NCOR2: variants seen among roughly 807,000 people sequenced by gnomAD.
The protein encoded by NCOR2 is nuclear receptor corepressor 2, also known as CTG repeat protein 26.
Under a neutral mutation model 262.9 loss-of-function variants are expected in NCOR2, and 81 were observed. That is an observed-to-expected ratio of 0.31 (90% CI 0.26 to 0.37). NCOR2 has a LOEUF of 0.37. NCOR2 is among the 10% of genes least tolerant of loss of function. The pLI is 1.00. For missense variants in NCOR2, 3,385 were observed against 3,621.4 expected, an observed-to-expected ratio of 0.93 and a Z score of 1.68; for synonymous variants, 1,659 against 1,559.3, an observed-to-expected ratio of 1.06 and a Z score of -1.51.
intron 7 of NCOR2, among the ~76,000 whole-genome samples, chr12:124,444,736 G>A (rs1013455287): frequency 3.9e-5 from 6 of 152,028 alleles, no homozygotes; most frequent in African/African-American, 7.3e-5. Flanking sequence ...AAGAGACTGC[G>A]GGTTGGGGTG....
At chr12:124,334,179 CTG>C (rs1240555816) in intron 41 of NCOR2, among the ~76,000 whole-genome samples, 1 of 152,212 alleles carries the variant, frequency 6.6e-6, no homozygotes, top group African/African-American at 2.4e-5. Context: ...TCCTGGGGGG[CTG>C]TGTGTAAAGG....
At chr12:124,522,491 C>G (rs998125611) in intron 1 of NCOR2, among the ~76,000 whole-genome samples, 6 of 152,196 alleles carry the variant, frequency 3.9e-5, no homozygotes, top group Non-Finnish European at 8.8e-5. Flanking sequence ...ACGTGGACTT[C>G]TCTGCTGTGT....
In NCOR2 at chr12:124,457,267, G is replaced by C. The variant is rs2045926817; in HGVS notation, c.706-105C>G. 1.6e-6 allele frequency: 2 copies of C among 1,262,276 alleles called. No homozygotes were observed. Among genetic ancestry groups the C allele is most frequent in the Non-Finnish European group, 2.1e-6 (2 of 939,864 alleles). 78.2% of individuals were successfully genotyped at this position (1,262,276 alleles called of 1,614,324 possible). On this transcript the variant is annotated intron_variant, in intron 5 of 46. Transcript: ENST00000405201. The surrounding 1 kb of genome is among the most constrained non-coding windows in gnomAD (Gnocchi z 4.0). ...GCGGGCACCTGCCCAGCCCAGTCCAGCATGCTGATCCTCAGCACGGGGGAG... is the reference window on the plus strand; with the variant it reads ...GCGGGCACCTGCCCAGCCCAGTCCACCATGCTGATCCTCAGCACGGGGGAG...
At chr12:124,495,795 G>A (rs770208102), upstream of NCOR2, among the ~76,000 whole-genome samples, 8 of 152,094 alleles carry the variant, frequency 5.3e-5, no homozygotes, top group South Asian at 2.1e-4. The surrounding 1 kb of genome is among the most constrained non-coding windows in gnomAD (Gnocchi z 4.4). Flanking sequence ...ATCACACACC[G>A]CTGTCCCGGG....
intron 4 of NCOR2, among the ~76,000 whole-genome samples, chr12:124,472,727 T>A (rs2046892978): frequency 6.6e-6 from 1 of 152,214 alleles, no homozygotes; most frequent in Non-Finnish European, 1.5e-5. Context: ...TAGGCACATT[T>A]CAAATGCTCA....
At chr12:124,332,252 G>A in intron 43 of NCOR2, 67 bp downstream of exon 45, 1 of 1,590,694 alleles carries the variant, frequency 6.3e-7, no homozygotes, top group Non-Finnish European at 8.6e-7. Flanking sequence ...GGCGGCTCCA[G>A]CTGCCCAGGC....
At chr12:124,434,670 G>A (rs149894608) in intron 8 of NCOR2, among the ~76,000 whole-genome samples, 177 of 152,314 alleles carry the variant, frequency 1.2e-3, no homozygotes, top group African/African-American at 4.0e-3. Context: ...GAACCATGGG[G>A]GGCTGTCAAG....
intron 13 of NCOR2, among the ~76,000 whole-genome samples, chr12:124,406,656 T>C (rs1256363232): frequency 6.6e-6 from 1 of 152,180 alleles, no homozygotes; most frequent in African/African-American, 2.4e-5. Context: ...GACAGTGGGT[T>C]TGTGCCCTGT....
chr12:124,333,210 C>T lies in NCOR2; in HGVS notation c.6675G>A (p.Pro2225=), dbSNP rs75362677. 1,746 of 1,613,186 alleles carry T rather than the reference C, an allele frequency of 1.1e-3. 40 individuals carry two copies. In the East Asian group the frequency reaches 0.034, roughly 32 times the overall value. ...AGTGCCCTGGCTCCGTCATGCCCTC[C>T]GGTGGGGACACAGGTTCAATACCGT... The change falls in exon 42 of 47, where the codon CCG becomes CCA. Residue 2225 remains proline (P), a synonymous_variant. Coordinates refer to ENST00000405201, the Ensembl canonical transcript of NCOR2.
intron 1 of NCOR2, chr12:124,513,826 T>C (rs2049557485): frequency 2.0e-5 from 3 of 152,238 alleles, no homozygotes; most frequent in Middle Eastern, 3.4e-3. Flanking sequence ...GAGGGGTAGC[T>C]CTCTTGGGAT....
intron 20 of NCOR2, among the ~76,000 whole-genome samples, chr12:124,365,460 G>A (rs1593231454): frequency 6.6e-6 from 1 of 152,336 alleles, no homozygotes; most frequent in Middle Eastern, 3.4e-3. Context: ...GATGCCCAGG[G>A]TGCTGAGGCC....
intron 1 of NCOR2, among the ~76,000 whole-genome samples, chr12:124,564,595 G>C (rs989770993): frequency 7.0e-5 from 10 of 142,918 alleles, no homozygotes; most frequent in African/African-American, 2.6e-4. Flanking sequence ...GACAGCGGCA[G>C]GAGGAGGGGC....
rs1177416140 is a variant in NCOR2 at position 124,354,176 on chromosome 12, G to T, written c.3610C>A (p.Pro1204Thr). The change falls in exon 27 of 47, where the codon CCG (proline) becomes ACG (threonine). Residue 1204 changes from proline to threonine, a missense_variant. Physicochemically the swap from Pro to Thr is conservative, Grantham distance 38. Around this residue, in one of 5 missense-constraint regions of NCOR2, gnomAD observed 1,615 missense variants for 1,626.9 expected, o/e 0.99. Transcript: ENST00000405201. ...ATGCCTTTGGTGATGCTTCCGCCCG[G>T]AACTGAGCCCAGAGCTGTCCCTGGA... 1.2e-6 allele frequency: 2 copies of T among 1,604,700 alleles called. No homozygotes were observed. Among genetic ancestry groups the T allele is most frequent in the Non-Finnish European group, 1.7e-6 (2 of 1,177,738 alleles).
At chr12:124,488,186 G>A (rs992542934) in intron 1 of NCOR2, among the ~76,000 whole-genome samples, 3 of 152,186 alleles carry the variant, frequency 2.0e-5, no homozygotes, top group Non-Finnish European at 4.4e-5. Context: ...CCAGGTGGGT[G>A]CGTTGATAAT....
At chr12:124,553,498 G>T (rs2051780584) in intron 1 of NCOR2, among the ~76,000 whole-genome samples, 1 of 152,166 alleles carries the variant, frequency 6.6e-6, no homozygotes, top group South Asian at 2.1e-4. Context: ...ATTCCCCAGG[G>T]TCCACGTGCC....
intron 17 of NCOR2, among the ~76,000 whole-genome samples, chr12:124,380,747 T>C (rs2040351882): frequency 6.6e-6 from 1 of 151,604 alleles, no homozygotes; most frequent in African/African-American, 2.4e-5. Flanking sequence ...GGCCTGGTGG[T>C]GGCGCCCAGC....
exon 44 of NCOR2, chr12:124,330,876 C>A: frequency 6.3e-7 from 1 of 1,583,522 alleles, no homozygotes; most frequent in Non-Finnish European, 8.6e-7. Context: ...TATTGAAGAT[C>A]TCCGTCCCAG....
intron 6 of NCOR2, among the ~76,000 whole-genome samples, chr12:124,451,972 G>A (rs756496668): frequency 6.6e-6 from 1 of 152,070 alleles, no homozygotes; most frequent in Non-Finnish European, 1.5e-5. Flanking sequence ...CACTGGGCTC[G>A]GGCAATTCCA....
intron 16 of NCOR2, among the ~76,000 whole-genome samples, chr12:124,394,900 G>T (rs1264743447): frequency 2.6e-5 from 4 of 152,228 alleles, no homozygotes; most frequent in Non-Finnish European, 5.9e-5. Context: ...GCACAGAGAG[G>T]TTGGCTGACT....
Sources: gnomAD v4.1 joint callset for allele counts (sites outside exome capture counted in the v4.1 genomes callset) on GRCh38, gnomAD v4.1.1 for gene constraint, gnomAD v4.1.1 regional missense constraint, Gnocchi (gnomAD v3.1) non-coding constraint, MANE v1.5 for transcripts, NCBI Gene and HGNC (gene_info 2026-07-23, HGNC 2026-07-21) for gene names.